The following LRP1B variants were observed in gnomAD, a reference collection of about 807,000 sequenced individuals.
LRP1B encodes low-density lipoprotein receptor-related protein 1B.
Under a neutral mutation model 556.6 loss-of-function variants are expected in LRP1B, and 217 were observed. The ratio of observed to expected loss-of-function variants is 0.39; its 90% CI spans 0.35 to 0.44. LRP1B has a LOEUF of 0.44. LRP1B is among the 20% of genes least tolerant of loss of function. LRP1B has a pLI of 1.00. For synonymous variants in LRP1B, 2,047 were observed against 1,865.8 expected (o/e 1.10, Z -2.50); for missense variants, 5,053 against 5,620.8 (o/e 0.90, Z 3.23).
chr2:141,851,317 C>T (rs1254346910), intron 1 of LRP1B, among the ~76,000 whole-genome samples: 1 of 151,822 alleles, frequency 6.6e-6, no homozygotes, highest in Non-Finnish European at 1.5e-5. Flanking sequence ...AAGAGGTTGT[C>T]ACCTTGGTGA....
intron 1 of LRP1B, among the ~76,000 whole-genome samples, chr2:141,927,382 A>AT (rs1477430370): frequency 6.6e-6 from 1 of 152,126 alleles, no homozygotes; most frequent in Non-Finnish European, 1.5e-5. Flanking sequence ...AGTAAACGAT[A>AT]TTTTTATAAA....
intron 43 of LRP1B, among the ~76,000 whole-genome samples, chr2:140,573,258 A>G (rs1681398432): frequency 6.6e-6 from 1 of 151,906 alleles, no homozygotes; most frequent in Admixed American, 6.6e-5. Flanking sequence ...AAATATGTAC[A>G]ATTATTAGCT....
chr2:141,854,454 A>G (rs557765401), intron 1 of LRP1B, among the ~76,000 whole-genome samples: 97 of 152,200 alleles, frequency 6.4e-4, no homozygotes, highest in Middle Eastern at 3.4e-3. Flanking sequence ...AGTTTTTCTA[A>G]CACCATACAT....
At chr2:140,385,506 G>A (rs1455915384) in intron 67 of LRP1B, among the ~76,000 whole-genome samples, 1 of 152,124 alleles carries the variant, frequency 6.6e-6, no homozygotes, top group Non-Finnish European at 1.5e-5. Context: ...CGAATTTATA[G>A]TGTAAAAGGA....
At chr2:142,026,317 A>G (rs759092636) in intron 1 of LRP1B, among the ~76,000 whole-genome samples, 14 of 152,034 alleles carry the variant, frequency 9.2e-5, no homozygotes, top group Non-Finnish European at 1.6e-4. Context: ...CTCTCAGCTT[A>G]TATGCATAAC....
chr2:142,002,734 A>G (rs1251204684), intron 1 of LRP1B, among the ~76,000 whole-genome samples: 1 of 152,064 alleles, frequency 6.6e-6, no homozygotes, highest in Non-Finnish European at 1.5e-5. Flanking sequence ...GCTTTGCTAT[A>G]TAACTTTCAC....
At chr2:142,009,446 A>G (rs1702889500) in intron 1 of LRP1B, among the ~76,000 whole-genome samples, 1 of 152,054 alleles carries the variant, frequency 6.6e-6, no homozygotes, top group South Asian at 2.1e-4. Flanking sequence ...GATACTTCAC[A>G]TGCATCCTGC....
chr2:140,944,297 G>T (rs1417392577), intron 20 of LRP1B, among the ~76,000 whole-genome samples: 1 of 151,912 alleles, frequency 6.6e-6, no homozygotes, highest in Non-Finnish European at 1.5e-5. Flanking sequence ...AGGCAAAAGA[G>T]TCCCAGACCA....
At chr2:142,062,980 A>C (rs1191817465) in intron 1 of LRP1B, among the ~76,000 whole-genome samples, 1 of 151,272 alleles carries the variant, frequency 6.6e-6, no homozygotes, top group Non-Finnish European at 1.5e-5. Context: ...ACCTGAAAAA[A>C]AGCTGAGTTT....
At chr2:142,121,501 C>T (rs1707455326) in intron 1 of LRP1B, among the ~76,000 whole-genome samples, 1 of 152,112 alleles carries the variant, frequency 6.6e-6, no homozygotes, top group Admixed American at 6.6e-5. Flanking sequence ...ATACCAAAAT[C>T]ACAACTTCCT....
At chr2:141,576,420 A>T (rs527717808) in intron 2 of LRP1B, among the ~76,000 whole-genome samples, 3 of 152,230 alleles carry the variant, frequency 2.0e-5, no homozygotes, top group African/African-American at 7.2e-5. Context: ...GGACACAGAG[A>T]GGGGAACAAC....
rs186090640 is a variant in LRP1B, at chr2:140,448,717, T to C, written c.10057+1851A>G. On this transcript the variant is annotated intron_variant, in intron 63 of 90. Coordinates refer to ENST00000389484, the MANE Select transcript of LRP1B (RefSeq NM_018557.3). ...TTGTTGACTGTGGTTAAAAGTAATA[T>C]ATTGCACACTTGAAAATTGCTAAGA... 9.9e-5 allele frequency among the ~76,000 whole-genome samples: 15 copies of C among 152,214 alleles called. No homozygotes were observed. The East Asian group carries it at 2.5e-3, about 25-fold the overall frequency.
intron 25 of LRP1B, among the ~76,000 whole-genome samples, chr2:140,879,592 A>G (rs1693411632): frequency 6.6e-6 from 1 of 152,140 alleles, no homozygotes. Context: ...GTTTCATAAC[A>G]TTCTAGGTAC....
chr2:141,361,260 A>G (rs1236644124), intron 3 of LRP1B, among the ~76,000 whole-genome samples: 1 of 152,190 alleles, frequency 6.6e-6, no homozygotes, highest in Non-Finnish European at 1.5e-5. Flanking sequence ...TACCCTTCCC[A>G]TATTCATGAA....
At chr2:141,307,382 C>A (rs1402293534) in intron 3 of LRP1B, among the ~76,000 whole-genome samples, 1 of 151,734 alleles carries the variant, frequency 6.6e-6, no homozygotes. Context: ...TCTCTTTTTA[C>A]TGTTTTGGAC....
At chr2:141,704,397 T>C (rs1692063186) in intron 2 of LRP1B, among the ~76,000 whole-genome samples, 3 of 151,950 alleles carry the variant, frequency 2.0e-5, no homozygotes, top group Non-Finnish European at 4.4e-5. Flanking sequence ...GCCTTCTCAA[T>C]CATCAAAGAA....
At chr2:140,264,918 AC>A (rs1381846464) in intron 86 of LRP1B, among the ~76,000 whole-genome samples, 1 of 151,584 alleles carries the variant, frequency 6.6e-6, no homozygotes, top group East Asian at 1.9e-4. Flanking sequence ...GAGCTATTTG[AC>A]CCACAGACAC....
intron 43 of LRP1B, among the ~76,000 whole-genome samples, chr2:140,562,703 C>T (rs1680975438): frequency 6.6e-6 from 1 of 152,134 alleles, no homozygotes; most frequent in Admixed American, 6.5e-5. Flanking sequence ...TCATTGCAAC[C>T]TCCACCTCCT....
At chr2:142,032,046 G>A (rs1336946935) in intron 1 of LRP1B, among the ~76,000 whole-genome samples, 2 of 151,790 alleles carry the variant, frequency 1.3e-5, no homozygotes, top group Admixed American at 6.6e-5. Flanking sequence ...CCCTGCCAAC[G>A]CCTTGATCTC....
Sources: gnomAD v4.1 joint callset for allele counts (sites outside exome capture counted in the v4.1 genomes callset) on GRCh38, gnomAD v4.1.1 for gene constraint, MANE v1.5 for transcripts, NCBI Gene and HGNC (gene_info 2026-07-23, HGNC 2026-07-21) for gene names.